The following ATP5PF variants were observed in gnomAD, a reference collection of about 807,000 sequenced individuals.
The protein encoded by ATP5PF is ATP synthase peripheral stalk subunit F6.
A neutral mutation model predicts 12.0 loss-of-function variants in ATP5PF; 7 were observed. The observed-to-expected ratio is 0.58, with a 90% CI of 0.33 to 1.10. The LOEUF (loss-of-function observed/expected upper bound fraction) is 1.10, where lower values mean the gene tolerates loss of function less well. Ranked by LOEUF, ATP5PF falls within the 50% of genes least tolerant of loss-of-function variation. The pLI is 0.03. For missense variants in ATP5PF, 120 were observed against 127.7 expected (o/e 0.94, Z 0.29); for synonymous variants, 41 against 45.4 (o/e 0.90, Z 0.39).
At chr21:25,734,022 A>G (rs769015111) in intron 1 of ATP5PF, among the ~76,000 whole-genome samples, 1 of 152,172 alleles carries the variant, frequency 6.6e-6, no homozygotes, top group Non-Finnish European at 1.5e-5. Context: ...AGTCCTACGA[A>G]CTCATCCAAA....
At chr21:25,725,032 C>T in intron 3 of ATP5PF, 194 bp downstream of exon 3, 1 of 700,696 alleles carries the variant, frequency 1.4e-6, no homozygotes, top group Non-Finnish European at 2.2e-6. Flanking sequence ...ACCATTTAAT[C>T]ACTATGTTAT....
At chr21:25,732,706 CTGTAATCCCAGCACTTTGT>C (rs1292169718) in intron 1 of ATP5PF, among the ~76,000 whole-genome samples, 6 of 151,738 alleles carry the variant, frequency 4.0e-5, no homozygotes, top group African/African-American at 1.5e-4. Context: ...TGGCTCACGC[CTGTAATCCCAGCACTTTGT>C]TGTAATCCCA....
chr21:25,727,295 A>G (rs1389630466), intron 2 of ATP5PF, among the ~76,000 whole-genome samples: 1 of 152,176 alleles, frequency 6.6e-6, no homozygotes, highest in Non-Finnish European at 1.5e-5. Context: ...GAAATCATCT[A>G]CCTCCTCAAC....
intron 1 of ATP5PF, chr21:25,734,287 C>G: frequency 1.0e-6 from 1 of 977,624 alleles, no homozygotes. Context: ...TGAGCAGAGG[C>G]CTTGTTCTGG....
At chr21:25,725,091 G>A in intron 3 of ATP5PF, 135 bp downstream of exon 3, 2 of 1,183,772 alleles carry the variant, frequency 1.7e-6, no homozygotes, top group South Asian at 1.6e-5. Flanking sequence ...TTAGCCGGCA[G>A]CTTCTCAGGC....
intron 1 of ATP5PF, among the ~76,000 whole-genome samples, chr21:25,732,228 C>T (rs1373755713): frequency 6.6e-6 from 1 of 152,138 alleles, no homozygotes; most frequent in Non-Finnish European, 1.5e-5. Context: ...GAGTACAAAG[C>T]CAGGAATGCT....
rs11539867 is a variant in ATP5PF at position 25,724,649 on chromosome 21, G to A, written c.318C>T (p.Pro106=). 1.3e-6 allele frequency: 2 copies of A among 1,597,654 alleles called. No individual in the cohort carries two copies. The highest frequency in any genetic ancestry group is 1.7e-6 in the Non-Finnish European group (2 of 1,175,760). ...ATTTTACTTTATTTCTTCAGGCCTG[G>A]GGTTTTTCGATGACTTCAAATTTGG... ...EDPKFEVIEK[P]QA Residue 106 remains proline (P), a synonymous_variant, in exon 4 of 4, where the codon CCC becomes CCT. Coordinates refer to ENST00000284971, the MANE Select transcript of ATP5PF (RefSeq NM_001003703.2).
In ATP5PF at chr21:25,729,726, C is replaced by T. The variant is rs1010507611; in HGVS notation, c.69G>A (p.Arg23=). The T allele has an allele frequency of 3.7e-6, 6 of 1,612,716 alleles. No homozygotes were observed. Among genetic ancestry groups the T allele is most frequent in the African/African-American group, 1.3e-5 (1 of 74,846 alleles). Residue 23 remains arginine (R), a synonymous_variant, in exon 2 of 4, where the codon AGG becomes AGA. Transcript: ENST00000284971. ...ATGCCACTGCTGTAACACCAATGTT[C>T]CTCCGCAAATGGACTGAGACGGCTG... ...IRSAVSVHLR[R]NIGVTAVAFN...
intron 1 of ATP5PF, 37 bp downstream of exon 1, chr21:25,734,816 C>T: frequency 6.6e-7 from 1 of 1,523,258 alleles, no homozygotes; most frequent in Admixed American, 2.0e-5. Flanking sequence ...ACTGGAGTCC[C>T]AAAAGGCCAC....
chr21:25,727,274 A>G (rs528141407), intron 2 of ATP5PF, among the ~76,000 whole-genome samples: 4 of 152,294 alleles, frequency 2.6e-5, no homozygotes, highest in Admixed American at 2.0e-4. Flanking sequence ...TCTTGTGATA[A>G]AAAGAGGCCA....
At chr21:25,735,249 A>G, upstream of ATP5PF, 6 of 546,230 alleles carry the variant, frequency 1.1e-5, no homozygotes, top group South Asian at 1.3e-4. Context: ...ATCGAAGTGT[A>G]TAAAGGTGCA....
At chr21:25,730,052 A>C (rs2034718859) in intron 1 of ATP5PF, among the ~76,000 whole-genome samples, 1 of 152,174 alleles carries the variant, frequency 6.6e-6, no homozygotes, top group African/African-American at 2.4e-5. Context: ...AGAGCACAAA[A>C]TGTGAGGTGA....
chr21:25,734,252 A>G (rs2034916432), intron 1 of ATP5PF: 1 of 882,698 alleles, frequency 1.1e-6, no homozygotes, highest in African/African-American at 1.8e-5. Flanking sequence ...AGACTGGGGA[A>G]GGCAACAGTA....
intron 1 of ATP5PF, among the ~76,000 whole-genome samples, chr21:25,730,845 A>G (rs2034755345): frequency 6.6e-6 from 1 of 150,712 alleles, no homozygotes; most frequent in African/African-American, 2.4e-5. Flanking sequence ...AAAACATTTC[A>G]GTAGAGGACA....
At chr21:25,735,070 G>A (rs1473703958), upstream of ATP5PF, 4 of 1,094,238 alleles carry the variant, frequency 3.7e-6, no homozygotes, top group Non-Finnish European at 4.0e-6. Context: ...GGAAGTGGAG[G>A]GTAAGTGCTT....
At chr21:25,724,877 T>C in intron 3 of ATP5PF, 200 bp from the exon 4 acceptor site, 1 of 613,882 alleles carries the variant, frequency 1.6e-6, no homozygotes, top group Non-Finnish European at 2.8e-6. Context: ...TTGCATATAT[T>C]ATGTCATTTA....
chr21:25,734,261 T>C (rs1195994279), intron 1 of ATP5PF: 4 of 933,454 alleles, frequency 4.3e-6, no homozygotes, highest in African/African-American at 1.8e-5. Context: ...AAGGCAACAG[T>C]AAGAAAACAC....
In ATP5PF at chr21:25,725,463, C is replaced by G. The variant is rs545462953; in HGVS notation, c.165-113G>C. The G allele has an allele frequency of 2.4e-6, 3 of 1,254,814 alleles. No individual in the cohort carries two copies. The East Asian group carries it at 8.1e-5, about 34-fold the overall frequency. The allele number at this position is 1,254,814 out of a possible 1,614,324, so 77.7% of individuals were successfully genotyped here. On this transcript the variant is annotated intron_variant, in intron 2 of 3. Transcript: ENST00000284971. ...CTTTTTTTTTTTTTCTTTTTTGAGA[C>G]GGAGTCTTGCTTGGTCGCCAGGCTG...
rs1271574310 is a variant in ATP5PF, at chr21:25,725,365, A to G, written c.165-15T>C. 6.4e-7 allele frequency: 1 copy of G among 1,562,014 alleles called. No individual in the cohort carries two copies. The highest frequency in any genetic ancestry group is 8.6e-7 in the Non-Finnish European group (1 of 1,159,974). Reference sequence around the variant, plus strand: ...CTCCAGATGTCCTGTTAAGTAAATGAGCAAACAAAAATTAATTTTGTGTAC... The same window carrying G: ...CTCCAGATGTCCTGTTAAGTAAATGGGCAAACAAAAATTAATTTTGTGTAC... On this transcript the variant is annotated splice_polypyrimidine_tract_variant and intron_variant, in intron 2 of 3. Transcript: ENST00000284971.
Sources: allele counts gnomAD v4.1 joint callset (sites outside exome capture counted in the v4.1 genomes callset), GRCh38; gene constraint gnomAD v4.1.1; transcripts MANE v1.5; gene names NCBI Gene and HGNC (gene_info 2026-07-23, HGNC 2026-07-21).